Variants in TRIM2 observed in about 807,000 individuals in gnomAD.
TRIM2 encodes the protein tripartite motif-containing protein 2.
In TRIM2, 20 loss-of-function variants were observed where a neutral mutation model predicts 75.2. The ratio of observed to expected loss-of-function variants is 0.27; its 90% CI spans 0.19 to 0.39. The LOEUF (loss-of-function observed/expected upper bound fraction) is 0.39, where lower values mean the gene tolerates loss of function less well. TRIM2 is among the 10% of genes least tolerant of loss of function. The probability of loss-of-function intolerance (pLI) is 1.00; values close to 1 mark genes in which losing one functional copy is unlikely to be tolerated. For missense variants in TRIM2, 660 were observed against 990.8 expected, an observed-to-expected ratio of 0.67 and a Z score of 4.48; for synonymous variants, 373 against 388.3, an observed-to-expected ratio of 0.96 and a Z score of 0.46.
chr4:153,315,411 A>C, intron 6 of TRIM2, 74 bp from the exon 7 acceptor site: 1 of 1,247,938 alleles, frequency 8.0e-7, no homozygotes, highest in South Asian at 1.5e-5. Flanking sequence ...TGGAAATCTG[A>C]ATTATTCTCT....
chr4:153,251,664 A>G (rs953738612), intron 1 of TRIM2, among the ~76,000 whole-genome samples: 3 of 152,112 alleles, frequency 2.0e-5, no homozygotes, highest in Non-Finnish European at 4.4e-5. Context: ...AGAACATTCA[A>G]AATTCTCTCT....
At chr4:153,262,035 A>G (rs1404294854) in intron 1 of TRIM2, among the ~76,000 whole-genome samples, 1 of 152,188 alleles carries the variant, frequency 6.6e-6, no homozygotes, top group Non-Finnish European at 1.5e-5. Flanking sequence ...TTCCCACAAC[A>G]AGCTCTGTTT....
At chr4:153,259,792 C>T (rs980796010) in intron 1 of TRIM2, among the ~76,000 whole-genome samples, 20 of 152,050 alleles carry the variant, frequency 1.3e-4, no homozygotes, top group Non-Finnish European at 2.8e-4. Context: ...CTGAATTTAA[C>T]GGATTAGATT....
At chr4:153,299,475 G>T (rs1579470582) in intron 6 of TRIM2, among the ~76,000 whole-genome samples, 1 of 152,136 alleles carries the variant, frequency 6.6e-6, no homozygotes, top group South Asian at 2.1e-4. Context: ...GAACAGTGCT[G>T]CAGTGAAACA....
intron 1 of TRIM2, among the ~76,000 whole-genome samples, chr4:153,253,596 C>A (rs1282223696): frequency 6.6e-6 from 1 of 152,128 alleles, no homozygotes; most frequent in Admixed American, 6.5e-5. Flanking sequence ...GGCTGCATTC[C>A]CAGATGGTTA....
intron 1 of TRIM2, among the ~76,000 whole-genome samples, chr4:153,251,314 C>G (rs1398098634): frequency 6.6e-6 from 1 of 152,198 alleles, no homozygotes; most frequent in African/African-American, 2.4e-5. Flanking sequence ...AAACTGACTA[C>G]AGAGAGTCTG....
intron 6 of TRIM2, among the ~76,000 whole-genome samples, chr4:153,300,124 T>C (rs1205672410): frequency 2.0e-5 from 3 of 152,242 alleles, no homozygotes; most frequent in Non-Finnish European, 4.4e-5. Flanking sequence ...TGCTGGTTCA[T>C]ATGATAATTG....
At position 153,272,618 on chromosome 4, in the gene TRIM2, T is replaced by C. The variant is rs1579215835; in HGVS notation, c.215+2099T>C. Among the ~76,000 whole-genome samples the C allele has an allele frequency of 4.6e-5, 7 of 152,132 alleles. No homozygotes were observed. In the South Asian group the frequency reaches 1.5e-3, roughly 32 times the overall value. On this transcript the variant is annotated intron_variant, in intron 2 of 11. Transcript: ENST00000338700. ...CTTCCCACCTCAACTTCTTGAGTAG[T>C]TGGGACCACAGGTGCACACCACCAT...
chr4:153,283,639 TTTC>T (rs1353779039), intron 3 of TRIM2, among the ~76,000 whole-genome samples: 1 of 134,850 alleles, frequency 7.4e-6, no homozygotes, highest in Non-Finnish European at 1.5e-5. Context: ...AACTGTTTTT[TTTC>T]TTTTTTTTTT....
chr4:153,164,220 C>A (rs1465677503), intron 1 of TRIM2, among the ~76,000 whole-genome samples: 3 of 152,114 alleles, frequency 2.0e-5, no homozygotes, highest in Non-Finnish European at 4.4e-5. Flanking sequence ...CTCACTGTAA[C>A]CTTTAACTCC....
chr4:153,213,727 A>G (rs1291254982), intron 1 of TRIM2, among the ~76,000 whole-genome samples: 1 of 152,086 alleles, frequency 6.6e-6, no homozygotes, highest in African/African-American at 2.4e-5. Flanking sequence ...GGGTTTCACC[A>G]TGTTAGCCAG....
At chr4:153,246,515 T>C (rs1176814607) in intron 1 of TRIM2, among the ~76,000 whole-genome samples, 2 of 152,250 alleles carry the variant, frequency 1.3e-5, no homozygotes, top group African/African-American at 4.8e-5. Context: ...AGTTTATTAT[T>C]TGAGATTTAG....
At chr4:153,320,877 C>T (rs1232501144) in intron 8 of TRIM2, among the ~76,000 whole-genome samples, 3 of 152,186 alleles carry the variant, frequency 2.0e-5, no homozygotes, top group South Asian at 4.1e-4. Flanking sequence ...AGTTATCCAC[C>T]CACCTCGGCC....
intron 1 of TRIM2, among the ~76,000 whole-genome samples, chr4:153,198,184 T>C (rs932163869): frequency 1.3e-5 from 2 of 152,180 alleles, no homozygotes; most frequent in Admixed American, 6.5e-5. Context: ...GATTTGTGAT[T>C]TCCAGAATCA....
intron 1 of TRIM2, among the ~76,000 whole-genome samples, chr4:153,188,453 C>T (rs1732845514): frequency 6.6e-6 from 1 of 152,082 alleles, no homozygotes; most frequent in African/African-American, 2.4e-5. Context: ...AAGTGAGACT[C>T]TGTCTCAAAA....
chr4:153,277,110 T>C (rs753205665), intron 3 of TRIM2, among the ~76,000 whole-genome samples: 3 of 152,210 alleles, frequency 2.0e-5, no homozygotes, highest in African/African-American at 4.8e-5. Flanking sequence ...CACTACTGTT[T>C]GTTTACCTCA....
At chr4:153,316,147 G>A (rs1767534642) in intron 8 of TRIM2, 148 bp downstream of exon 8, 3 of 762,010 alleles carry the variant, frequency 3.9e-6, no homozygotes, top group Non-Finnish European at 6.0e-6. Context: ...TTTGTGAAGT[G>A]AGAGTAACAG....
chr4:153,152,793 T>C (rs1296061551), upstream of TRIM2, among the ~76,000 whole-genome samples: 1 of 152,114 alleles, frequency 6.6e-6, no homozygotes, highest in Non-Finnish European at 1.5e-5. Flanking sequence ...CCTTTTGCAT[T>C]TGAAATGCAT....
intron 1 of TRIM2, among the ~76,000 whole-genome samples, chr4:153,221,847 CGAGGA>C (rs1740250207): frequency 2.0e-5 from 1 of 49,088 alleles, no homozygotes; most frequent in Non-Finnish European, 3.5e-5. Context: ...AAGGAAAGCG[CGAGGA>C]AAGAAGAGAG....
Sources: allele counts gnomAD v4.1 joint callset (sites outside exome capture counted in the v4.1 genomes callset), GRCh38; gene constraint gnomAD v4.1.1; transcripts MANE v1.5; gene names NCBI Gene and HGNC (gene_info 2026-07-23, HGNC 2026-07-21).